PCDH15: variants seen among roughly 807,000 people sequenced by gnomAD.
PCDH15 encodes the protein protocadherin related 15, also known as protocadherin-15.
A neutral mutation model predicts 178.5 loss-of-function variants in PCDH15; 129 were observed. The observed-to-expected ratio is 0.72, with a 90% CI of 0.63 to 0.84. The LOEUF is 0.84. Among genes scored for constraint, PCDH15 ranks in the 40% least tolerant of loss-of-function variants. The pLI, the probability that PCDH15 is intolerant of heterozygous loss-of-function variation, is 0.00. For missense variants in PCDH15, 2,230 were observed against 2,099.9 expected, an observed-to-expected ratio of 1.06 and a Z score of -1.21; for synonymous variants, 800 against 732.0, an observed-to-expected ratio of 1.09 and a Z score of -1.50.
intron 2 of PCDH15, among the ~76,000 whole-genome samples, chr10:54,972,896 A>G (rs572283837): frequency 2.0e-5 from 3 of 151,106 alleles, no homozygotes; most frequent in Admixed American, 6.6e-5. Context: ...TTTACCTAGC[A>G]AATACACTCC....
At chr10:54,500,558 G>A (rs1046086622) in intron 3 of PCDH15, among the ~76,000 whole-genome samples, 5 of 152,194 alleles carry the variant, frequency 3.3e-5, no homozygotes, top group African/African-American at 1.2e-4. Context: ...AGTCAGGCCC[G>A]GTGGTTCACA....
At chr10:55,440,074 T>C (rs1402374982) in intron 2 of PCDH15, among the ~76,000 whole-genome samples, 2 of 152,272 alleles carry the variant, frequency 1.3e-5, no homozygotes, top group African/African-American at 2.4e-5. Context: ...GACGCTGTTA[T>C]ATAAAAGACA....
chr10:54,667,015 G>A (rs1430966184), intron 1 of PCDH15, among the ~76,000 whole-genome samples: 1 of 151,874 alleles, frequency 6.6e-6, no homozygotes, highest in Non-Finnish European at 1.5e-5. Flanking sequence ...GGCTCTGCAA[G>A]TTTTTAGAGG....
chr10:54,443,673 T>A (rs2075975854), intron 3 of PCDH15, among the ~76,000 whole-genome samples: 1 of 151,754 alleles, frequency 6.6e-6, no homozygotes, highest in Non-Finnish European at 1.5e-5. Flanking sequence ...TTCTAATATT[T>A]GTATCAAAAT....
chr10:54,835,823 C>A (rs1400198805), intron 3 of PCDH15, among the ~76,000 whole-genome samples: 1 of 152,118 alleles, frequency 6.6e-6, no homozygotes, highest in Non-Finnish European at 1.5e-5. Context: ...ATTATAGATT[C>A]TTTCTCTCAA....
chr10:55,496,602 C>G (rs528011247), intron 2 of PCDH15, among the ~76,000 whole-genome samples: 1 of 151,808 alleles, frequency 6.6e-6, no homozygotes, highest in Admixed American at 6.6e-5. Context: ...GAAATACAAA[C>G]CTTGTGCTGA....
intron 7 of PCDH15, among the ~76,000 whole-genome samples, chr10:54,319,315 G>T (rs2061452520): frequency 6.6e-6 from 1 of 151,938 alleles, no homozygotes; most frequent in African/African-American, 2.4e-5. Context: ...AACAGATTGT[G>T]GTATGTACAC....
intron 3 of PCDH15, among the ~76,000 whole-genome samples, chr10:54,424,969 G>A (rs1462377017): frequency 3.4e-5 from 5 of 149,054 alleles, no homozygotes; most frequent in South Asian, 2.1e-4. Context: ...GTAACAAACC[G>A]GCACGTTGTG....
At chr10:55,345,017 A>T (rs532830944) in intron 2 of PCDH15, among the ~76,000 whole-genome samples, 1 of 152,108 alleles carries the variant, frequency 6.6e-6, no homozygotes, top group South Asian at 2.1e-4. Flanking sequence ...GTCATGATCT[A>T]GGTCAAGCAA....
At chr10:54,067,046 A>G (rs2094148880) in intron 17 of PCDH15, among the ~76,000 whole-genome samples, 161 bp from the exon 18 acceptor site, 1 of 152,096 alleles carries the variant, frequency 6.6e-6, no homozygotes, top group Admixed American at 6.5e-5. Flanking sequence ...AAAATTAAAA[A>G]AAAGAAGCTT....
intron 1 of PCDH15, among the ~76,000 whole-genome samples, chr10:55,232,449 G>A (rs1210644384): frequency 6.6e-6 from 1 of 151,934 alleles, no homozygotes; most frequent in Non-Finnish European, 1.5e-5. Context: ...TTCAAAAAAA[G>A]TTACAAATAA....
chr10:55,252,353 T>C (rs1393470149), intron 1 of PCDH15, among the ~76,000 whole-genome samples: 4 of 152,122 alleles, frequency 2.6e-5, no homozygotes, highest in African/African-American at 7.2e-5. Flanking sequence ...ACCTGCTATG[T>C]CTGTGCCCTA....
intron 8 of PCDH15, among the ~76,000 whole-genome samples, chr10:54,289,102 C>T (rs915897178): frequency 4.6e-5 from 7 of 152,216 alleles, no homozygotes; most frequent in Admixed American, 3.3e-4. Context: ...CTGGGAGACA[C>T]CTCCCAGTAC....
intron 3 of PCDH15, among the ~76,000 whole-genome samples, chr10:54,512,026 C>T (rs1248599659): frequency 6.6e-6 from 1 of 152,034 alleles, no homozygotes; most frequent in Non-Finnish European, 1.5e-5. Context: ...GAGATTTCAT[C>T]TTTCAAATTC....
intron 20 of PCDH15, 123 bp downstream of exon 20, chr10:54,020,068 TG>T: frequency 1.3e-6 from 1 of 759,194 alleles, no homozygotes; most frequent in Non-Finnish European, 2.2e-6. Context: ...ATCTATGTTA[TG>T]GGTCTGGTAC....
In PCDH15 at chr10:54,152,990, T is replaced by A. The variant is rs1350143355; in HGVS notation, c.1784+110A>T. ...GAATCTGGTCTCTCTGATTTTCTGA[T>A]CTAATTTAGATGTTTATAGGATAAA... is the stretch of plus-strand genomic sequence containing the variant. On this transcript the variant is annotated intron_variant, in intron 14 of 37. Coordinates refer to ENST00000644397, the MANE Select transcript of PCDH15 (RefSeq NM_001384140.1). The A allele has an allele frequency of 7.9e-6, 10 of 1,272,622 alleles. No homozygotes were observed. In the East Asian group the frequency reaches 2.3e-4, roughly 29 times the overall value. The allele number at this position is 1,272,622 out of a possible 1,614,324, so 78.8% of individuals were successfully genotyped here.
In PCDH15 at chr10:53,833,008, C is replaced by T. The variant is rs375953068; in HGVS notation, c.3984-1475G>A. On this transcript the variant is annotated intron_variant, in intron 29 of 37. Coordinates refer to ENST00000644397, the MANE Select transcript of PCDH15 (RefSeq NM_001384140.1). The stretch of plus-strand genomic sequence containing the variant: ...TAGCAATTTTCCAAGCTCATTGTTA[C>T]ACGTTAAAAGAAAATAAAAATTTAG... Among the ~76,000 whole-genome samples, 10 of 151,964 alleles carry T rather than the reference C, an allele frequency of 6.6e-5. No individual in the cohort carries two copies. The East Asian group carries it at 1.9e-3, about 29-fold the overall frequency.
chr10:54,902,323 T>C (rs1228931014), intron 2 of PCDH15, among the ~76,000 whole-genome samples: 10 of 152,098 alleles, frequency 6.6e-5, no homozygotes, highest in Admixed American at 6.6e-5. Flanking sequence ...TCATGTTGAG[T>C]TGTAATCCTC....
intron 2 of PCDH15, among the ~76,000 whole-genome samples, chr10:55,492,218 CA>C (rs901193706): frequency 1.4e-5 from 2 of 147,832 alleles, no homozygotes. Context: ...GACCATACAG[CA>C]AAAAAAAAGA....
Sources: allele counts gnomAD v4.1 joint callset (sites outside exome capture counted in the v4.1 genomes callset), GRCh38; gene constraint gnomAD v4.1.1; transcripts MANE v1.5; gene names NCBI Gene and HGNC (gene_info 2026-07-23, HGNC 2026-07-21).